Variants in THBS4 observed in about 807,000 individuals in gnomAD.
The protein encoded by THBS4 is thrombospondin 4.
A neutral mutation model predicts 115.7 loss-of-function variants in THBS4; 90 were observed. The ratio of observed to expected loss-of-function variants is 0.78; its 90% CI spans 0.66 to 0.93. The LOEUF (loss-of-function observed/expected upper bound fraction) is 0.93. THBS4 is among the 40% of genes least tolerant of loss of function. The pLI, the probability that THBS4 is intolerant of heterozygous loss-of-function variation, is 0.00. For missense variants in THBS4, 1,087 were observed against 1,232.7 expected (o/e 0.88, Z 1.77); for synonymous variants, 460 against 479.3 (o/e 0.96, Z 0.53).
At chr5:80,021,599 C>T (rs1832378716) in intron 2 of THBS4, among the ~76,000 whole-genome samples, 1 of 152,082 alleles carries the variant, frequency 6.6e-6, no homozygotes, top group Admixed American at 6.6e-5. Flanking sequence ...CTCAAACTCC[C>T]AGACTCAAGG....
chr5:80,056,119 CT>C (rs1833425031), intron 3 of THBS4, 87 bp downstream of exon 3: 1 of 1,451,772 alleles, frequency 6.9e-7, no homozygotes, highest in African/African-American at 1.4e-5. Context: ...GAAATTCCTG[CT>C]GCAGGTCAGT....
At chr5:80,052,724 T>C (rs1272268644) in intron 2 of THBS4, 1 of 152,218 alleles carries the variant, frequency 6.6e-6, no homozygotes, top group Non-Finnish European at 1.5e-5. Flanking sequence ...GAGTCAGATT[T>C]CAGAAGGGTG....
chr5:80,058,718 C>G lies in THBS4; in HGVS notation c.660C>G (p.Asn220Lys), dbSNP rs752816382. Residue 220 changes from asparagine to lysine, a missense_variant, in exon 5 of 22, where the codon AAC becomes AAG. Asn to Lys is a moderately conservative substitution (Grantham distance 94, BLOSUM62 0). This residue lies in a region of THBS4 where 979 missense variants were observed against 1,103.7 expected (regional missense o/e 0.89). Coordinates refer to ENST00000350881, the MANE Select transcript of THBS4 (RefSeq NM_003248.6). The stretch of plus-strand genomic sequence containing the variant: ...TTGCTGTTCCTACAGGGGACTTTAA[C>G]CGGCAGTTCTTGGGTCAAATGACAC... The part of the protein sequence containing the change: ...PLAATGTGDF[N>K]RQFLGQMTQL... 1 of 1,613,994 alleles carries G rather than the reference C, an allele frequency of 6.2e-7. No homozygotes were observed. The highest frequency in any genetic ancestry group is 1.3e-5 in the African/African-American group (1 of 74,914).
At chr5:79,994,384 A>G (rs1325319844) in intron 1 of THBS4, among the ~76,000 whole-genome samples, 2 of 152,196 alleles carry the variant, frequency 1.3e-5, no homozygotes, top group African/African-American at 4.8e-5. Flanking sequence ...TGTGTAGTCC[A>G]TTAAAAAGCC....
intron 2 of THBS4, among the ~76,000 whole-genome samples, chr5:80,044,724 CA>C (rs1300983992): frequency 1.4e-5 from 2 of 142,232 alleles, no homozygotes; most frequent in Non-Finnish European, 3.0e-5. Flanking sequence ...CACACTCAGC[CA>C]AAAAAAGATT....
chr5:80,006,991 C>T (rs1473434084), intron 2 of THBS4, among the ~76,000 whole-genome samples: 2 of 152,146 alleles, frequency 1.3e-5, no homozygotes, highest in African/African-American at 4.8e-5. Context: ...TTCTAGATGC[C>T]TGAGGTGCAT....
chr5:80,023,062 GAAAA>G (rs1832409589), intron 2 of THBS4, among the ~76,000 whole-genome samples: 1 of 152,024 alleles, frequency 6.6e-6, no homozygotes, highest in African/African-American at 2.4e-5. Context: ...GAAAAATAAA[GAAAA>G]AGGTAAACAG....
At chr5:80,002,974 A>C (rs1831934562) in intron 2 of THBS4, among the ~76,000 whole-genome samples, 1 of 151,980 alleles carries the variant, frequency 6.6e-6, no homozygotes, top group African/African-American at 2.4e-5. Context: ...ATTTTAACTA[A>C]ATTCCCTGAT....
intron 20 of THBS4, chr5:80,080,296 A>C (rs1489220963): frequency 1.8e-6 from 1 of 563,890 alleles, no homozygotes; most frequent in Admixed American, 3.1e-5. Context: ...CAAGATGGGG[A>C]TAGAAGGAGC....
intron 1 of THBS4, chr5:79,991,492 A>G: frequency 2.6e-6 from 1 of 381,626 alleles, no homozygotes; most frequent in Middle Eastern, 6.7e-4. Flanking sequence ...GAGTGTTCCA[A>G]ACCCTTTGAA....
chr5:80,038,132 A>G (rs1210962453), intron 1 of THBS4, among the ~76,000 whole-genome samples: 1 of 152,186 alleles, frequency 6.6e-6, no homozygotes, highest in Non-Finnish European at 1.5e-5. Flanking sequence ...ATACCTGCCC[A>G]TTGTAGAAAA....
chr5:80,061,692 C>T lies in THBS4; in HGVS notation c.988-3C>T, dbSNP rs777080479. ...TAAAGACTTTGAACTTTTTTGTCTCCAGTGCAAATACCATCCCTGCTACCC... is the reference window on the plus strand; with the variant it reads ...TAAAGACTTTGAACTTTTTTGTCTCTAGTGCAAATACCATCCCTGCTACCC... On this transcript the variant is annotated splice_region_variant and splice_polypyrimidine_tract_variant and intron_variant, in intron 7 of 21. Transcript: ENST00000350881. 1.2e-6 allele frequency: 2 copies of T among 1,601,344 alleles called. No individual in the cohort carries two copies. The highest frequency in any genetic ancestry group is 1.7e-6 in the Non-Finnish European group (2 of 1,173,660).
intron 2 of THBS4, among the ~76,000 whole-genome samples, chr5:80,016,716 C>T (rs1437784519): frequency 6.6e-6 from 1 of 152,078 alleles, no homozygotes; most frequent in Non-Finnish European, 1.5e-5. Context: ...TTTTGTTTCT[C>T]CTTTTCATAA....
At chr5:80,061,963 G>T in intron 8 of THBS4, 131 bp downstream of exon 8, 1 of 1,014,056 alleles carries the variant, frequency 9.9e-7, no homozygotes, top group Non-Finnish European at 1.4e-6. Flanking sequence ...GGTGCAAAAT[G>T]AGCAAATTAG....
intron 2 of THBS4, among the ~76,000 whole-genome samples, chr5:80,010,515 A>G (rs1832102623): frequency 6.6e-6 from 1 of 152,196 alleles, no homozygotes. Flanking sequence ...CTCACTCACC[A>G]CTACCCTCAC....
At chr5:80,032,030 T>G (rs1192034978), upstream of THBS4, among the ~76,000 whole-genome samples, 1 of 152,096 alleles carries the variant, frequency 6.6e-6, no homozygotes, top group Admixed American at 6.6e-5. Context: ...AGCTCACAGT[T>G]GGATACTGGA....
intron 21 of THBS4, among the ~76,000 whole-genome samples, chr5:80,082,851 C>CA (rs756411195): frequency 6.6e-6 from 1 of 152,238 alleles, no homozygotes; most frequent in African/African-American, 2.4e-5. Context: ...ATCACAGATG[C>CA]AAAATCCATT....
chr5:79,995,758 A>G (rs1336736837), intron 1 of THBS4, among the ~76,000 whole-genome samples: 1 of 151,076 alleles, frequency 6.6e-6, no homozygotes, highest in Non-Finnish European at 1.5e-5. Context: ...CTGAGTAGAT[A>G]AATCAGTTAC....
rs1832305728 is a variant in THBS4 at position 80,018,954 on chromosome 5, T to C, written n.177+20527T>C. On this transcript the variant is annotated intron_variant and non_coding_transcript_variant, in intron 2 of 3. Coordinates refer to the THBS4 transcript ENST00000510218. ...TTTAGAATGTTATCTGCAGGATTTT[T>C]TGAGAACTGGTTAAAGTTGGTGTCC... 2.0e-5 allele frequency among the ~76,000 whole-genome samples: 3 copies of C among 152,148 alleles called. No homozygotes were observed. In the South Asian group the frequency reaches 6.2e-4, roughly 32 times the overall value.
Sources: allele counts gnomAD v4.1 joint callset (sites outside exome capture counted in the v4.1 genomes callset), GRCh38; gene constraint gnomAD v4.1.1; regional missense constraint gnomAD v4.1.1; transcripts MANE v1.5; gene names NCBI Gene and HGNC (gene_info 2026-07-23, HGNC 2026-07-21).